Variants in NSUN6 observed in about 807,000 individuals in gnomAD.
NSUN6 encodes NOP2/Sun RNA methyltransferase 6.
A neutral mutation model predicts 58.0 loss-of-function variants in NSUN6; 64 were observed. The observed-to-expected ratio is 1.10, with a 90% CI of 0.90 to 1.36. The LOEUF is 1.36. NSUN6 is among the 40% of genes most tolerant of loss of function. NSUN6 has a pLI of 0.00. For missense variants in NSUN6, 701 were observed against 550.1 expected, an observed-to-expected ratio of 1.27 and a Z score of -2.74; for synonymous variants, 231 against 193.9, an observed-to-expected ratio of 1.19 and a Z score of -1.59.
At chr10:18,627,909 G>C (rs1309590452) in intron 3 of NSUN6, among the ~76,000 whole-genome samples, 2 of 152,248 alleles carry the variant, frequency 1.3e-5, no homozygotes, top group African/African-American at 4.8e-5. Context: ...GCCCACCACA[G>C]CTCAAGGAGG....
chr10:18,555,841 GA>G (rs2054963767), intron 8 of NSUN6, among the ~76,000 whole-genome samples: 1 of 144,176 alleles, frequency 6.9e-6, no homozygotes, highest in African/African-American at 2.6e-5. Flanking sequence ...ATGGAATGGA[GA>G]AAAATGGAAT....
At chr10:18,627,046 GAGATGTTTT>G (rs2058836853) in intron 3 of NSUN6, among the ~76,000 whole-genome samples, 1 of 152,174 alleles carries the variant, frequency 6.6e-6, no homozygotes, top group African/African-American at 2.4e-5. Flanking sequence ...AATGCTGGTT[GAGATGTTTT>G]AAAGGCTCTT....
chr10:18,546,227 A>C, intron 10 of NSUN6, 82 bp from the exon 11 acceptor site: 1 of 979,854 alleles, frequency 1.0e-6, no homozygotes, highest in Non-Finnish European at 1.7e-6. Flanking sequence ...TAAAAGACAA[A>C]TTGGGCTGTA....
At chr10:18,629,886 G>C (rs1276712039) in intron 3 of NSUN6, among the ~76,000 whole-genome samples, 2 of 149,734 alleles carry the variant, frequency 1.3e-5, no homozygotes, top group Non-Finnish European at 3.0e-5. Flanking sequence ...ATTGAACTCA[G>C]CTCTGCACCA....
rs1179397126 is a variant in NSUN6, at chr10:18,648,617, G to A, written c.104C>T (p.Ala35Val). The change falls in exon 2 of 11, where the codon GCA (alanine) becomes GTA (valine). Residue 35 changes from alanine to valine, a missense_variant. Transcript: ENST00000377304. ...EIVTALGKQE[A>V]ERKFETLLKH... ...TAACAAAGTTTCAAACTTCCTTTCT[G>A]CTTCTTGTTTACCTAAAGCAGTCAC... The A allele has an allele frequency of 1.2e-6, 2 of 1,604,432 alleles. No individual in the cohort carries two copies. Among genetic ancestry groups the A allele is most frequent in the South Asian group, 1.1e-5 (1 of 90,628 alleles).
rs1305578135 is a variant in NSUN6, at chr10:18,587,756, A to G, written c.778-1663T>C. Among the ~76,000 whole-genome samples, 3 of 152,034 alleles carry G rather than the reference A, an allele frequency of 2.0e-5. No homozygotes were observed. In the East Asian group the frequency reaches 5.8e-4, roughly 29 times the overall value. On this transcript the variant is annotated intron_variant, in intron 7 of 10. Coordinates refer to ENST00000377304, the MANE Select transcript of NSUN6 (RefSeq NM_182543.5). ...AACTGTGCTACCCAGGCTGGGTACT[A>G]CGCTTTTCCCATGGTTTTTGCAATC... is the stretch of plus-strand genomic sequence containing the variant.
At chr10:18,610,055 CA>C in intron 5 of NSUN6, 129 bp from the exon 6 acceptor site, 2 of 651,898 alleles carry the variant, frequency 3.1e-6, no homozygotes, top group Non-Finnish European at 2.8e-6. Flanking sequence ...TATTTTGGCT[CA>C]AGCCTGTAAT....
chr10:18,618,034 A>G lies in NSUN6; in HGVS notation c.312-1741T>C. 1.3e-5 allele frequency among the ~76,000 whole-genome samples: 2 copies of G among 152,174 alleles called. 1 individual carries two copies. Among genetic ancestry groups the G allele is most frequent in the East Asian group, 3.9e-4 (2 of 5,184 alleles). On this transcript the variant is annotated intron_variant, in intron 3 of 10. Transcript: ENST00000377304. ...CTGCTATAGCAGCAAAAAATAAACT[A>G]AGACACTCAGCGTCATCTTAAAGTC... is the stretch of plus-strand genomic sequence containing the variant.
At chr10:18,640,277 G>T (rs1016083462) in intron 3 of NSUN6, among the ~76,000 whole-genome samples, 3 of 152,154 alleles carry the variant, frequency 2.0e-5, no homozygotes, top group African/African-American at 7.2e-5. Flanking sequence ...CAAATTTGAT[G>T]CTCAGAGAAA....
rs146458268 is a variant in NSUN6 at position 18,605,742 on chromosome 10, A to T, written c.657+4103T>A. ...AACTTTTGTTGCACACATGGAAAACATCCTACAGCATCAATAAGTAATGGT... is the reference window on the plus strand; with the variant it reads ...AACTTTTGTTGCACACATGGAAAACTTCCTACAGCATCAATAAGTAATGGT... On this transcript the variant is annotated intron_variant, in intron 6 of 10. Transcript: ENST00000377304. Among the ~76,000 whole-genome samples, 189 of 152,314 alleles carry T rather than the reference A, an allele frequency of 1.2e-3. 1 individual carries two copies. The highest frequency in any genetic ancestry group is 4.4e-3 in the African/African-American group (184 of 41,564).
chr10:18,596,173 C>A, intron 7 of NSUN6, 35 bp downstream of exon 7: 1 of 1,572,074 alleles, frequency 6.4e-7, no homozygotes, highest in Non-Finnish European at 8.7e-7. Context: ...ATATACACTA[C>A]TTTGAGAGTG....
chr10:18,566,849 C>A (rs2055995023), intron 8 of NSUN6, among the ~76,000 whole-genome samples: 1 of 150,024 alleles, frequency 6.7e-6, no homozygotes, highest in African/African-American at 2.4e-5. Context: ...CATTCCATTC[C>A]ACTCTTTCCC....
chr10:18,658,943 C>T (rs1258069532), upstream of NSUN6, among the ~76,000 whole-genome samples: 1 of 152,222 alleles, frequency 6.6e-6, no homozygotes, highest in Non-Finnish European at 1.5e-5. Context: ...GAACTCCTAA[C>T]CCCTAGCACG....
At chr10:18,561,068 G>C (rs1247700712) in intron 8 of NSUN6, among the ~76,000 whole-genome samples, 1 of 148,686 alleles carries the variant, frequency 6.7e-6, no homozygotes, top group Non-Finnish European at 1.5e-5. Flanking sequence ...GGATGGTATA[G>C]AAAATGGAAT....
chr10:18,647,520 AAT>A (rs2059579683), intron 2 of NSUN6, among the ~76,000 whole-genome samples: 1 of 152,206 alleles, frequency 6.6e-6, no homozygotes, highest in South Asian at 2.1e-4. Flanking sequence ...AACTCAAAAA[AAT>A]ATAAACAAGA....
chr10:18,652,532 C>CACA (rs960343786), upstream of NSUN6: 141 of 982,134 alleles, frequency 1.4e-4, no homozygotes, highest in Non-Finnish European at 1.6e-4. Context: ...CATTATACCA[C>CACA]ACAACAACCT....
chr10:18,615,433 C>A (rs532002683), intron 4 of NSUN6, among the ~76,000 whole-genome samples: 1 of 152,132 alleles, frequency 6.6e-6, no homozygotes, highest in African/African-American at 2.4e-5. Flanking sequence ...CACACTTTTC[C>A]TGTAAAGGGC....
At chr10:18,612,883 A>T (rs762442360) in intron 5 of NSUN6, among the ~76,000 whole-genome samples, 2 of 152,196 alleles carry the variant, frequency 1.3e-5, no homozygotes, top group African/African-American at 4.8e-5. Context: ...GAATCTATGA[A>T]TGATTCAACC....
chr10:18,620,170 C>T (rs1379856825), intron 3 of NSUN6, among the ~76,000 whole-genome samples: 1 of 151,944 alleles, frequency 6.6e-6, no homozygotes, highest in Admixed American at 6.6e-5. Context: ...TCGCTGCAAG[C>T]TCCACCTCCC....
Sources: gnomAD v4.1 joint callset for allele counts (sites outside exome capture counted in the v4.1 genomes callset) on GRCh38, gnomAD v4.1.1 for gene constraint, MANE v1.5 for transcripts, NCBI Gene and HGNC (gene_info 2026-07-23, HGNC 2026-07-21) for gene names.